Variants in PLXNA4 observed in about 807,000 individuals in gnomAD.
PLXNA4 encodes plexin A4, also known as plexin-A4.
In PLXNA4, 44 loss-of-function variants were observed where a neutral mutation model predicts 191.8. The ratio of observed to expected loss-of-function variants is 0.23; its 90% CI spans 0.18 to 0.29. The LOEUF (loss-of-function observed/expected upper bound fraction) is 0.29, where lower values mean the gene tolerates loss of function less well. Among genes scored for constraint, PLXNA4 ranks in the 10% least tolerant of loss-of-function variants. The pLI, the probability that PLXNA4 is intolerant of heterozygous loss-of-function variation, is 1.00. For synonymous variants in PLXNA4, 1,082 were observed against 1,009.5 expected (o/e 1.07, Z -1.36); for missense variants, 1,800 against 2,488.8 (o/e 0.72, Z 5.89).
chr7:132,430,495 G>C (rs1473168381), intron 3 of PLXNA4, among the ~76,000 whole-genome samples: 1 of 152,058 alleles, frequency 6.6e-6, no homozygotes, highest in Non-Finnish European at 1.5e-5. Context: ...ATGACAGAGG[G>C]GGCAGTTGAG....
chr7:132,455,720 C>G (rs573659422), intron 3 of PLXNA4, among the ~76,000 whole-genome samples: 127 of 152,224 alleles, frequency 8.3e-4, no homozygotes, highest in African/African-American at 3.0e-3. Context: ...AGCAGAGAAG[C>G]CTGCCAGGAT....
upstream of PLXNA4, among the ~76,000 whole-genome samples, chr7:132,580,558 C>T (rs932576549): frequency 6.6e-6 from 1 of 152,184 alleles, no homozygotes; most frequent in Non-Finnish European, 1.5e-5. Context: ...GAAGCTATGT[C>T]TGTGGGACTT....
chr7:132,147,447 C>A (rs1331938846), intron 27 of PLXNA4, among the ~76,000 whole-genome samples: 1 of 152,166 alleles, frequency 6.6e-6, no homozygotes, highest in Non-Finnish European at 1.5e-5. Flanking sequence ...TTCTACCCCA[C>A]CTCCAGCACC....
At chr7:132,308,610 G>A (rs897972055) in intron 3 of PLXNA4, among the ~76,000 whole-genome samples, 34 of 152,148 alleles carry the variant, frequency 2.2e-4, no homozygotes, top group Non-Finnish European at 2.9e-4. Context: ...GGCAAACAGC[G>A]TGACTCCCAA....
At chr7:132,376,096 G>C (rs1219683410) in intron 3 of PLXNA4, among the ~76,000 whole-genome samples, 1 of 152,144 alleles carries the variant, frequency 6.6e-6, no homozygotes, top group African/African-American at 2.4e-5. Context: ...CTGCCCCATG[G>C]TGTTGTTGTG....
chr7:132,614,523 G>T (rs1803114256), intron 2 of PLXNA4, among the ~76,000 whole-genome samples: 1 of 152,238 alleles, frequency 6.6e-6, no homozygotes, highest in Non-Finnish European at 1.5e-5. Context: ...AAGCTCAAAG[G>T]TGGGGAGGCA....
At chr7:132,158,075 G>A (rs548751529) in intron 25 of PLXNA4, among the ~76,000 whole-genome samples, 2 of 152,306 alleles carry the variant, frequency 1.3e-5, no homozygotes, top group Non-Finnish European at 2.9e-5. Flanking sequence ...CCTCCACAGT[G>A]GAGGGAGACA....
At position 132,181,545 on chromosome 7, in the gene PLXNA4, C is replaced by G; in HGVS notation, c.3328G>C (p.Asp1110His). The G allele has an allele frequency of 6.2e-7, 1 of 1,614,176 alleles. No individual in the cohort carries two copies. The highest frequency in any genetic ancestry group is 1.3e-5 in the African/African-American group (1 of 75,046). Residue 1110 changes from aspartate to histidine, a missense_variant, in exon 18 of 32, where the codon GAC becomes CAC. This residue lies in a region of PLXNA4 where 1,397 missense variants were observed against 1,880.4 expected (regional missense o/e 0.74). Coordinates refer to ENST00000321063, the MANE Select transcript of PLXNA4 (RefSeq NM_020911.2). ...ALALGPDHQS[D>H]LTERPEEFGF... ...AACTCCTCGGGCCTCTCGGTCAGGTCTGACTGGTGGTCAGGACCCAGAGCG... is the reference window on the plus strand; with the variant it reads ...AACTCCTCGGGCCTCTCGGTCAGGTGTGACTGGTGGTCAGGACCCAGAGCG...
chr7:132,247,889 C>T (rs940497931), intron 4 of PLXNA4, among the ~76,000 whole-genome samples: 1 of 152,220 alleles, frequency 6.6e-6, no homozygotes, highest in Admixed American at 6.5e-5. Context: ...CTGAACCTGG[C>T]TAACAGGTAA....
chr7:132,624,534 C>T (rs1803332912), intron 2 of PLXNA4, among the ~76,000 whole-genome samples: 1 of 152,186 alleles, frequency 6.6e-6, no homozygotes, highest in Non-Finnish European at 1.5e-5. Flanking sequence ...TCAGCACAAA[C>T]TCATCCTCAT....
chr7:132,130,081 C>G lies in PLXNA4; in HGVS notation c.*398G>C, dbSNP rs1457131142. 9.8e-6 allele frequency: 2 copies of G among 204,536 alleles called. No homozygotes were observed. The highest frequency in any genetic ancestry group is 2.0e-5 in the Non-Finnish European group (2 of 98,516). The allele number at this position is 204,536 out of a possible 1,614,324, so 12.7% of individuals were successfully genotyped here. On this transcript the variant is annotated 3_prime_UTR_variant, in exon 32 of 32. Transcript: ENST00000321063. ...AAGGCTCAGACCAAAGCAGGGGCTG[C>G]CAAAGTGGAAGGTGAAGTAGCAGCA...
chr7:132,241,947 A>C, intron 4 of PLXNA4, among the ~76,000 whole-genome samples: 1 of 152,082 alleles, frequency 6.6e-6, no homozygotes, highest in Non-Finnish European at 1.5e-5. Context: ...AAATGCTTCC[A>C]TTTCCTACAT....
At chr7:132,453,196 TCAACAA>T (rs1444835450) in intron 3 of PLXNA4, among the ~76,000 whole-genome samples, 5 of 152,016 alleles carry the variant, frequency 3.3e-5, no homozygotes, top group African/African-American at 4.8e-5. Flanking sequence ...TGGAAGCAGG[TCAACAA>T]ACCTGCCCTT....
intron 9 of PLXNA4, among the ~76,000 whole-genome samples, chr7:132,221,939 G>A (rs1325131608): frequency 6.6e-6 from 1 of 152,186 alleles, no homozygotes; most frequent in East Asian, 1.9e-4. Context: ...CCAGACTAGT[G>A]TATCTAGCAA....
chr7:132,442,280 T>C (rs886798400), intron 3 of PLXNA4, among the ~76,000 whole-genome samples: 13 of 152,154 alleles, frequency 8.5e-5, no homozygotes, highest in African/African-American at 3.1e-4. Flanking sequence ...CAGAGGTCCC[T>C]GATGCCAAAA....
chr7:132,633,106 G>A (rs1803525107), intron 2 of PLXNA4, among the ~76,000 whole-genome samples: 1 of 152,104 alleles, frequency 6.6e-6, no homozygotes, highest in Non-Finnish European at 1.5e-5. Context: ...CCTGGGTCAA[G>A]GGCAGTCAGT....
intron 2 of PLXNA4, among the ~76,000 whole-genome samples, chr7:132,593,485 C>G (rs1802643132): frequency 6.6e-6 from 1 of 152,298 alleles, no homozygotes; most frequent in Non-Finnish European, 1.5e-5. Context: ...AAAGATGGAA[C>G]TTACTAAAAG....
chr7:132,601,981 T>C, intron 2 of PLXNA4, among the ~76,000 whole-genome samples: 1 of 152,256 alleles, frequency 6.6e-6, no homozygotes, highest in East Asian at 1.9e-4. Flanking sequence ...CTCAATTTGC[T>C]GGACAAGTTT....
rs183077079 is a variant in PLXNA4, at chr7:132,456,184, C to A, written c.1371+33108G>T. 3.8e-4 allele frequency among the ~76,000 whole-genome samples: 57 copies of A among 149,932 alleles called. No individual in the cohort carries two copies. In the East Asian group the frequency reaches 0.01, roughly 27 times the overall value. On this transcript the variant is annotated intron_variant, in intron 3 of 31. Coordinates refer to ENST00000321063, the MANE Select transcript of PLXNA4 (RefSeq NM_020911.2). ...TTGGAGTGCAGTGGCACAATCTCAGCTCACTGCAATTTCCATCTCCCAGGT... is the reference window on the plus strand; with the variant it reads ...TTGGAGTGCAGTGGCACAATCTCAGATCACTGCAATTTCCATCTCCCAGGT...
Sources: gnomAD v4.1 joint callset for allele counts (sites outside exome capture counted in the v4.1 genomes callset) on GRCh38, gnomAD v4.1.1 for gene constraint, gnomAD v4.1.1 regional missense constraint, MANE v1.5 for transcripts, NCBI Gene and HGNC (gene_info 2026-07-23, HGNC 2026-07-21) for gene names.